The following DOCK3 variants were observed in gnomAD, a reference collection of about 807,000 sequenced individuals.
DOCK3 encodes dedicator of cytokinesis protein 3.
In DOCK3, 60 loss-of-function variants were observed where a neutral mutation model predicts 265.6. That is an observed-to-expected ratio of 0.23 (90% CI 0.18 to 0.28). The LOEUF (loss-of-function observed/expected upper bound fraction) is 0.28, where lower values mean the gene tolerates loss of function less well. Ranked by LOEUF, DOCK3 falls within the 10% of genes least tolerant of loss-of-function variation. The pLI, the probability that DOCK3 is intolerant of heterozygous loss-of-function variation, is 1.00. For missense variants in DOCK3, 1,981 were observed against 2,594.3 expected, an observed-to-expected ratio of 0.76 and a Z score of 5.14; for synonymous variants, 881 against 938.0, an observed-to-expected ratio of 0.94 and a Z score of 1.11.
intron 2 of DOCK3, among the ~76,000 whole-genome samples, chr3:50,797,598 C>T (rs2042858598): frequency 6.6e-6 from 1 of 152,162 alleles, no homozygotes; most frequent in South Asian, 2.1e-4. Flanking sequence ...GAGGCACCTC[C>T]GTACTGTTCT....
intron 1 of DOCK3, among the ~76,000 whole-genome samples, chr3:50,701,710 C>T (rs917338412): frequency 6.6e-6 from 1 of 152,082 alleles, no homozygotes; most frequent in Non-Finnish European, 1.5e-5. Flanking sequence ...CTTATGTTTA[C>T]CTCCTTAATC....
Position 50,747,919 on chromosome 3 carries a change from A to G in DOCK3, c.38-30756A>G, listed in dbSNP as rs574269528. 3.3e-5 allele frequency among the ~76,000 whole-genome samples: 5 copies of G among 152,008 alleles called. No homozygotes were observed. In the East Asian group the frequency reaches 9.7e-4, roughly 29 times the overall value. On this transcript the variant is annotated intron_variant, in intron 1 of 52. Coordinates refer to ENST00000266037, the MANE Select transcript of DOCK3 (RefSeq NM_004947.5). ...AAAATATTTTGTTTTCTGCTAGATT[A>G]TAGAAATGTGGTTGTTTTTTGCATA...
intron 3 of DOCK3, among the ~76,000 whole-genome samples, chr3:50,885,364 GTTTT>G (rs62977761): frequency 7.7e-6 from 1 of 129,602 alleles, no homozygotes; most frequent in Admixed American, 7.6e-5. Flanking sequence ...TTTGTATGCA[GTTTT>G]TTTTTTTTTT....
intron 12 of DOCK3, among the ~76,000 whole-genome samples, chr3:51,191,837 C>T (rs2087966595): frequency 6.6e-6 from 1 of 151,778 alleles, no homozygotes; most frequent in African/African-American, 2.4e-5. Flanking sequence ...GGATTATTAG[C>T]TTGTTTTTCC....
chr3:51,050,343 C>T (rs2080947586), intron 5 of DOCK3, among the ~76,000 whole-genome samples: 1 of 152,148 alleles, frequency 6.6e-6, no homozygotes, highest in African/African-American at 2.4e-5. Context: ...GCTGTGATTG[C>T]ACCACTACAC....
At chr3:51,347,543 C>T (rs2085673051) in intron 38 of DOCK3, among the ~76,000 whole-genome samples, 1 of 152,112 alleles carries the variant, frequency 6.6e-6, no homozygotes, top group Non-Finnish European at 1.5e-5. Flanking sequence ...TCACTGTAGC[C>T]TTGTAGTATA....
chr3:51,352,930 C>T (rs529314006), intron 40 of DOCK3, among the ~76,000 whole-genome samples: 2 of 152,334 alleles, frequency 1.3e-5, no homozygotes, highest in Non-Finnish European at 2.9e-5. Flanking sequence ...CTCCTACCAT[C>T]CCTGAATGCA....
chr3:50,991,207 C>T (rs1316484798), intron 5 of DOCK3, among the ~76,000 whole-genome samples: 1 of 152,100 alleles, frequency 6.6e-6, no homozygotes, highest in Admixed American at 6.5e-5. Flanking sequence ...ACATAATAAC[C>T]AGTTAACAGC....
intron 5 of DOCK3, among the ~76,000 whole-genome samples, chr3:51,016,632 A>T (rs1258147692): frequency 5.0e-5 from 1 of 19,984 alleles, no homozygotes; most frequent in South Asian, 1.7e-3. Flanking sequence ...TATATAATAT[A>T]TATGATATAT....
chr3:51,208,774 G>A lies in DOCK3; in HGVS notation c.1038G>A (p.Thr346=), dbSNP rs950181650. ...EEKDFVLKVY[T]CNNESEWSQI... ...CATAACACCTGTCCTTCTGTTACAGGTGCAACAACGAGAGTGAGTGGTCCC... is the reference window on the plus strand; with the variant it reads ...CATAACACCTGTCCTTCTGTTACAGATGCAACAACGAGAGTGAGTGGTCCC... The change falls in exon 13 of 53, where the codon ACG becomes ACA. Residue 346 remains threonine (T), a splice_region_variant and synonymous_variant. Transcript: ENST00000266037. 5.0e-6 allele frequency: 8 copies of A among 1,606,808 alleles called. No homozygotes were observed. Among genetic ancestry groups the A allele is most frequent in the Admixed American group, 1.7e-5 (1 of 58,954 alleles).
At chr3:51,278,842 T>C (rs769949079) in intron 26 of DOCK3, among the ~76,000 whole-genome samples, 1 of 152,218 alleles carries the variant, frequency 6.6e-6, no homozygotes, top group South Asian at 2.1e-4. Flanking sequence ...TTCTTAATGC[T>C]TTATGTACAT....
chr3:51,127,545 A>G (rs763189654), intron 9 of DOCK3, among the ~76,000 whole-genome samples: 1 of 152,258 alleles, frequency 6.6e-6, no homozygotes. Flanking sequence ...TGTTAAGTCA[A>G]TAAATCTTAT....
At chr3:50,946,942 T>G (rs1485587960) in intron 5 of DOCK3, among the ~76,000 whole-genome samples, 1 of 152,194 alleles carries the variant, frequency 6.6e-6, no homozygotes, top group East Asian at 1.9e-4. Flanking sequence ...GTACAGTCAC[T>G]GTAAAAATCC....
At chr3:51,182,239 A>G (rs111790291) in intron 12 of DOCK3, among the ~76,000 whole-genome samples, 2,150 of 152,302 alleles carry the variant, frequency 0.014, 60 homozygotes, top group African/African-American at 0.047. Context: ...TAGTCTCTCT[A>G]TCCCTCAGTT....
intron 1 of DOCK3, among the ~76,000 whole-genome samples, chr3:50,766,743 C>T (rs1293448047): frequency 1.1e-4 from 16 of 152,148 alleles, no homozygotes; most frequent in African/African-American, 2.2e-4. Flanking sequence ...CCACCAACAG[C>T]GTAAAAATGT....
chr3:51,309,177 G>T (rs550843461), intron 27 of DOCK3, among the ~76,000 whole-genome samples: 1 of 152,136 alleles, frequency 6.6e-6, no homozygotes, highest in Non-Finnish European at 1.5e-5. Context: ...CTTCCCAGAC[G>T]GGGTGGCGGC....
intron 1 of DOCK3, among the ~76,000 whole-genome samples, chr3:50,720,941 TC>T (rs1261493012): frequency 6.6e-6 from 1 of 152,252 alleles, no homozygotes; most frequent in Non-Finnish European, 1.5e-5. Context: ...TTTACACTTC[TC>T]TAGTGATCAG....
At chr3:51,351,651 CTTT>C (rs150338641) in intron 40 of DOCK3, among the ~76,000 whole-genome samples, 3,041 of 95,724 alleles carry the variant, frequency 0.032, 136 homozygotes, top group African/African-American at 0.11. Flanking sequence ...AGTAGAGAGA[CTTT>C]TTTTTTTTTT....
At chr3:50,997,301 T>TA (rs1418016326) in intron 5 of DOCK3, among the ~76,000 whole-genome samples, 3 of 152,204 alleles carry the variant, frequency 2.0e-5, no homozygotes, top group South Asian at 4.1e-4. Flanking sequence ...CTAGTATATA[T>TA]TAAATAAAAA....
Sources: allele counts gnomAD v4.1 joint callset (sites outside exome capture counted in the v4.1 genomes callset), GRCh38; gene constraint gnomAD v4.1.1; transcripts MANE v1.5; gene names NCBI Gene and HGNC (gene_info 2026-07-23, HGNC 2026-07-21).